Variants in CPEB3 observed in about 807,000 individuals in gnomAD.
The protein encoded by CPEB3 is cytoplasmic polyadenylation element-binding protein 3.
In CPEB3, 20 loss-of-function variants were observed where a neutral mutation model predicts 67.2. That is an observed-to-expected ratio of 0.30 (90% CI 0.21 to 0.43). CPEB3 has a LOEUF of 0.43. Among genes scored for constraint, CPEB3 ranks in the 20% least tolerant of loss-of-function variants. The pLI is 1.00. For missense variants in CPEB3, 746 were observed against 968.6 expected, an observed-to-expected ratio of 0.77 and a Z score of 3.05; for synonymous variants, 376 against 393.1, an observed-to-expected ratio of 0.96 and a Z score of 0.51.
intron 6 of CPEB3, chr10:92,137,472 C>A: frequency 8.1e-7 from 1 of 1,231,300 alleles, no homozygotes; most frequent in Non-Finnish European, 1.1e-6. Context: ...ACAGCAACAC[C>A]CAGGTGGTTT....
chr10:92,224,359 A>G (rs879458398), intron 2 of CPEB3, among the ~76,000 whole-genome samples: 6 of 152,218 alleles, frequency 3.9e-5, no homozygotes, highest in Admixed American at 3.9e-4. Flanking sequence ...TACAATAGCT[A>G]TGTTTCTCAG....
chr10:92,205,004 G>A (rs188857036), intron 2 of CPEB3, among the ~76,000 whole-genome samples: 22 of 151,682 alleles, frequency 1.5e-4, no homozygotes, highest in Admixed American at 9.9e-4. Flanking sequence ...GATGTCCAGC[G>A]AATTTTTGTA....
At position 92,049,890 on chromosome 10, in the gene CPEB3, A is replaced by G. The variant is rs1852228216; in HGVS notation, c.*2322T>C. 6.6e-6 allele frequency: 1 copy of G among 152,550 alleles called. No homozygotes were observed. The highest frequency in any genetic ancestry group is 6.6e-5 in the Admixed American group (1 of 15,264). The allele number at this position is 152,550 out of a possible 1,614,324, so 9.4% of individuals were successfully genotyped here. A position where few individuals can be genotyped will look rare whatever the true frequency, so the allele number is the denominator to read the frequency against. On this transcript the variant is annotated 3_prime_UTR_variant, in exon 10 of 10. Coordinates refer to ENST00000265997, the MANE Select transcript of CPEB3 (RefSeq NM_014912.5). The stretch of plus-strand genomic sequence containing the variant: ...TAACTTCTTCATTTTCAAAAAACAC[A>G]AATAAGCATGAAAAAAATAAAGTTA...
At chr10:92,259,729 C>T (rs1852710047) in intron 1 of CPEB3, among the ~76,000 whole-genome samples, 1 of 152,142 alleles carries the variant, frequency 6.6e-6, no homozygotes, top group South Asian at 2.1e-4. Context: ...TGAGGCCAGG[C>T]ACTGCAACTT....
At chr10:92,074,516 A>G (rs1225069948) in intron 9 of CPEB3, among the ~76,000 whole-genome samples, 1 of 152,230 alleles carries the variant, frequency 6.6e-6, no homozygotes, top group African/African-American at 2.4e-5. Context: ...ATAAGCTCCA[A>G]TGAAGAAAGG....
chr10:92,180,859 C>A, intron 4 of CPEB3, 104 bp downstream of exon 4: 2 of 739,050 alleles, frequency 2.7e-6, no homozygotes, highest in Non-Finnish European at 4.9e-6. Context: ...GGTCTATACT[C>A]CTTTCAGCGG....
At chr10:92,134,736 A>T (rs1218632174) in intron 6 of CPEB3, among the ~76,000 whole-genome samples, 1 of 151,984 alleles carries the variant, frequency 6.6e-6, no homozygotes, top group Non-Finnish European at 1.5e-5. Flanking sequence ...ACAAAGCTGG[A>T]GGCATCATGC....
intron 2 of CPEB3, among the ~76,000 whole-genome samples, chr10:92,209,251 A>G (rs1849948271): frequency 6.6e-6 from 1 of 152,220 alleles, no homozygotes. Flanking sequence ...TAGGCCAGGC[A>G]CAATGGCTCA....
chr10:92,053,882 C>T (rs1475728229), intron 9 of CPEB3, among the ~76,000 whole-genome samples: 1 of 151,890 alleles, frequency 6.6e-6, no homozygotes, highest in Non-Finnish European at 1.5e-5. Flanking sequence ...AACGGGGTTT[C>T]ACCATGTTAG....
intron 3 of CPEB3, among the ~76,000 whole-genome samples, chr10:92,185,254 G>T (rs983149700): frequency 2.0e-5 from 3 of 152,280 alleles, no homozygotes; most frequent in Admixed American, 6.5e-5. Context: ...AGTGTAAAAT[G>T]TAAGATTTCA....
chr10:92,223,574 T>C (rs1850804432), intron 2 of CPEB3, among the ~76,000 whole-genome samples: 1 of 135,032 alleles, frequency 7.4e-6, no homozygotes, highest in Non-Finnish European at 1.6e-5. Context: ...TTTCTTTTTT[T>C]TTTTTTTTTT....
At chr10:92,066,058 C>G (rs919032869) in intron 9 of CPEB3, among the ~76,000 whole-genome samples, 1 of 151,876 alleles carries the variant, frequency 6.6e-6, no homozygotes, top group Admixed American at 6.6e-5. Context: ...GACTGCACCA[C>G]TGCACTCCAA....
At chr10:92,263,290 A>T (rs1216443586) in intron 1 of CPEB3, among the ~76,000 whole-genome samples, 1 of 152,194 alleles carries the variant, frequency 6.6e-6, no homozygotes, top group Non-Finnish European at 1.5e-5. Context: ...TGGCCAGGCC[A>T]GTCTCGAACT....
intron 2 of CPEB3, among the ~76,000 whole-genome samples, chr10:92,207,542 G>A (rs1437275037): frequency 2.0e-5 from 3 of 152,032 alleles, no homozygotes; most frequent in Non-Finnish European, 4.4e-5. Flanking sequence ...AGGCTTTTGC[G>A]AGGAAGAAAT....
chr10:92,063,685 A>C (rs2134334784), intron 9 of CPEB3, among the ~76,000 whole-genome samples: 1 of 151,712 alleles, frequency 6.6e-6, no homozygotes, highest in East Asian at 1.9e-4. Flanking sequence ...AATAGCTTGA[A>C]CCCAGGAGGC....
chr10:92,159,944 C>A (rs1590267201), intron 4 of CPEB3, among the ~76,000 whole-genome samples: 1 of 144,006 alleles, frequency 6.9e-6, no homozygotes, highest in South Asian at 2.2e-4. Flanking sequence ...TGAAAAAAAT[C>A]TTTTTTTTTT....
chr10:92,239,806 G>T lies in CPEB3; in HGVS notation c.545C>A (p.Pro182Gln). Reference protein sequence around the residue: ...APQPAQPAQPPQAQPPQQRRS... With the variant: ...APQPAQPAQPQQAQPPQQRRS... ...GCGCTGCTGCGGGGGCTGCGCCTGT[G>T]GTGGCTGCGCTGGCTGTGCCGGCTG... The change falls in exon 2 of 10, where the codon CCA becomes CAA. Residue 182 changes from proline to glutamine, a missense_variant. This residue lies in a region of CPEB3 where 643 missense variants were observed against 717.5 expected (regional missense o/e 0.90). Transcript: ENST00000265997. This position sits in a 1 kb window ranked among gnomAD's most constrained non-coding sequence, Gnocchi z 6.0. 7.0e-7 allele frequency: 1 copy of T among 1,428,706 alleles called. No homozygotes were observed. The highest frequency in any genetic ancestry group is 1.6e-5 in the South Asian group (1 of 64,508). 88.5% of individuals were successfully genotyped at this position (1,428,706 alleles called of 1,614,324 possible).
At chr10:92,164,081 C>A (rs750451282) in intron 4 of CPEB3, among the ~76,000 whole-genome samples, 1 of 152,074 alleles carries the variant, frequency 6.6e-6, no homozygotes, top group Non-Finnish European at 1.5e-5. Flanking sequence ...AGGAGAATGA[C>A]GATCATAAAG....
chr10:92,194,532 AC>A (rs1316163028), intron 2 of CPEB3, among the ~76,000 whole-genome samples: 2 of 152,218 alleles, frequency 1.3e-5, no homozygotes, highest in African/African-American at 4.8e-5. Context: ...TACGAAAATT[AC>A]CTTTTGAAAA....
Sources: gnomAD v4.1 joint callset for allele counts (sites outside exome capture counted in the v4.1 genomes callset) on GRCh38, gnomAD v4.1.1 for gene constraint, gnomAD v4.1.1 regional missense constraint, Gnocchi (gnomAD v3.1) non-coding constraint, MANE v1.5 for transcripts, NCBI Gene and HGNC (gene_info 2026-07-23, HGNC 2026-07-21) for gene names.